SLC39A12: variants seen among roughly 807,000 people sequenced by gnomAD.
The protein encoded by SLC39A12 is solute carrier family 39 member 12.
SLC39A12 carries 63 observed loss-of-function variants against 71.1 expected under a neutral mutation model. The observed-to-expected ratio is 0.89, with a 90% CI of 0.72 to 1.09. The LOEUF is 1.09. SLC39A12 is among the 50% of genes least tolerant of loss of function. The pLI, the probability that SLC39A12 is intolerant of heterozygous loss-of-function variation, is 0.00. For missense variants in SLC39A12, 892 were observed against 812.6 expected, an observed-to-expected ratio of 1.10 and a Z score of -1.19; for synonymous variants, 351 against 301.3, an observed-to-expected ratio of 1.16 and a Z score of -1.71.
At chr10:18,036,804 T>TTA (rs1564666124) in intron 12 of SLC39A12, among the ~76,000 whole-genome samples, 9 of 128,560 alleles carry the variant, frequency 7.0e-5, no homozygotes, top group African/African-American at 2.7e-4. Context: ...ATTTTTTTTT[T>TTA]TAATGGAATC....
intron 10 of SLC39A12, among the ~76,000 whole-genome samples, chr10:17,998,934 A>G (rs568263659): frequency 1.3e-5 from 2 of 152,300 alleles, no homozygotes; most frequent in Admixed American, 1.3e-4. Context: ...ATTGAGCACA[A>G]TTATTAGAAT....
In SLC39A12 at chr10:17,957,322, C is replaced by A. The variant is rs370195416; in HGVS notation, c.261+3785C>A. ...CCAGGATGTGGTGGACAATTACTAC[C>A]AAGTGTCCGAGTAGCCTGTTTAGCT... On this transcript the variant is annotated intron_variant, in intron 2 of 12. Transcript: ENST00000377369. Among the ~76,000 whole-genome samples, 16 of 152,222 alleles carry A rather than the reference C, an allele frequency of 1.1e-4. No individual in the cohort carries two copies. In the South Asian group the frequency reaches 3.3e-3, roughly 32 times the overall value.
intron 12 of SLC39A12, among the ~76,000 whole-genome samples, chr10:18,016,103 G>A (rs936684409): frequency 4.6e-5 from 7 of 152,048 alleles, no homozygotes; most frequent in African/African-American, 1.7e-4. Flanking sequence ...ACATTCTATG[G>A]GTTTTGACAA....
At chr10:18,008,064 G>A (rs746167769) in intron 12 of SLC39A12, among the ~76,000 whole-genome samples, 5 of 152,128 alleles carry the variant, frequency 3.3e-5, no homozygotes, top group Non-Finnish European at 7.3e-5. Context: ...CTAATATAGG[G>A]AGCCCCAAAT....
intron 12 of SLC39A12, among the ~76,000 whole-genome samples, chr10:18,038,907 A>G (rs1388117114): frequency 6.6e-6 from 1 of 152,198 alleles, no homozygotes; most frequent in Non-Finnish European, 1.5e-5. Flanking sequence ...ATGTAGGTTC[A>G]TGAAGATATT....
At chr10:17,970,216 A>G (rs1387383481) in intron 4 of SLC39A12, among the ~76,000 whole-genome samples, 1 of 152,168 alleles carries the variant, frequency 6.6e-6, no homozygotes, top group Non-Finnish European at 1.5e-5. Context: ...GAAGTCAGGT[A>G]ACGTGATTCC....
intron 2 of SLC39A12, among the ~76,000 whole-genome samples, chr10:17,959,887 A>T (rs371543295): frequency 6.6e-6 from 1 of 152,208 alleles, no homozygotes; most frequent in African/African-American, 2.4e-5. Flanking sequence ...TTCCTCTAAC[A>T]TCTTAAATTC....
Position 17,981,309 on chromosome 10 carries a change from C to G in SLC39A12, c.925-3C>G. 1 of 1,602,992 alleles carries G rather than the reference C, an allele frequency of 6.2e-7. No homozygotes were observed. The highest frequency in any genetic ancestry group is 8.5e-7 in the Non-Finnish European group (1 of 1,173,490). On this transcript the variant is annotated splice_polypyrimidine_tract_variant and splice_region_variant and intron_variant, in intron 5 of 12. Transcript: ENST00000377369. ...GTAACAATGTTATGTTTTCCTCACA[C>G]AGACCTGCTTCTCTGCTAGGCAGCT... is the stretch of plus-strand genomic sequence containing the variant.
chr10:17,974,974 C>T (rs1322929315), intron 4 of SLC39A12, among the ~76,000 whole-genome samples: 1 of 152,212 alleles, frequency 6.6e-6, no homozygotes, highest in Non-Finnish European at 1.5e-5. Flanking sequence ...ACTCGAATCA[C>T]AAGACGTAGT....
Position 17,953,471 on chromosome 10 carries a change from C to T in SLC39A12, c.195C>T (p.Ile65=), listed in dbSNP as rs782723736. 7 of 1,614,158 alleles carry T rather than the reference C, an allele frequency of 4.3e-6. No homozygotes were observed. Among genetic ancestry groups the T allele is most frequent in the Non-Finnish European group, 5.1e-6 (6 of 1,180,042 alleles). Residue 65 remains isoleucine, a synonymous_variant, in exon 2 of 13, where the codon ATC becomes ATT. Coordinates refer to ENST00000377369, the MANE Select transcript of SLC39A12 (RefSeq NM_001145195.2). ...HPPHNHSRSL[I]KTLLEKTGCP... ...CCCACAACCACTCAAGAAGCCTCAT[C>T]AAAACATTGTTGGAGAAAACTGGGT...
intron 4 of SLC39A12, among the ~76,000 whole-genome samples, chr10:17,972,433 G>A (rs1834998968): frequency 1.3e-5 from 2 of 152,162 alleles, no homozygotes; most frequent in South Asian, 2.1e-4. Context: ...ACAGTGGGGT[G>A]TTGAAGTCTC....
intron 12 of SLC39A12, among the ~76,000 whole-genome samples, chr10:18,015,691 T>C (rs1836357961): frequency 6.6e-6 from 1 of 152,124 alleles, no homozygotes; most frequent in African/African-American, 2.4e-5. Context: ...ACATAAAAAG[T>C]ACAGAATGAA....
intron 4 of SLC39A12, among the ~76,000 whole-genome samples, chr10:17,966,307 TTTG>T (rs890347333): frequency 9.9e-5 from 15 of 152,116 alleles, no homozygotes; most frequent in African/African-American, 1.7e-4. Flanking sequence ...GAGATGGATT[TTTG>T]TTGTTGTTGT....
chr10:18,004,859 C>T (rs1286686647), intron 12 of SLC39A12, among the ~76,000 whole-genome samples: 7 of 152,014 alleles, frequency 4.6e-5, no homozygotes, highest in African/African-American at 1.2e-4. Flanking sequence ...GTAAAGAAAA[C>T]GTGATACATA....
chr10:17,984,880 T>C (rs562928647), intron 6 of SLC39A12, among the ~76,000 whole-genome samples: 1 of 152,308 alleles, frequency 6.6e-6, no homozygotes, highest in Non-Finnish European at 1.5e-5. Flanking sequence ...TCCATAGCAA[T>C]GAAAATGTGG....
intron 3 of SLC39A12, 45 bp from the exon 4 acceptor site, chr10:17,965,438 A>G: frequency 1.3e-6 from 2 of 1,559,040 alleles, no homozygotes; most frequent in Non-Finnish European, 1.8e-6. Context: ...AATCAAAATA[A>G]CTTCAGATGT....
At position 17,991,170 on chromosome 10, in the gene SLC39A12, A is replaced by G; in HGVS notation, c.1289A>G (p.Gln430Arg). ...LIPQVLGLHKQEAPEFGHFHE... is the reference protein window; with the variant it reads ...LIPQVLGLHKREAPEFGHFHE... ...CTGAAGGTTCTTGGTTTACATAAGC[A>G]GGAAGCCCCAGAATTTGGGCATTTC... The change falls in exon 8 of 13, where the codon CAG becomes CGG. Residue 430 changes from glutamine to arginine, a missense_variant. Gln to Arg is a conservative substitution (Grantham distance 43). Coordinates refer to ENST00000377369, the MANE Select transcript of SLC39A12 (RefSeq NM_001145195.2). 1 of 1,552,672 alleles carries G rather than the reference A, an allele frequency of 6.4e-7. No homozygotes were observed. The highest frequency in any genetic ancestry group is 8.6e-7 in the Non-Finnish European group (1 of 1,158,248).
intron 8 of SLC39A12, among the ~76,000 whole-genome samples, chr10:17,992,138 T>G (rs1564649407): frequency 6.6e-6 from 1 of 151,578 alleles, no homozygotes; most frequent in African/African-American, 2.4e-5. Context: ...GCATAGCACT[T>G]ATTGTTTTTC....
chr10:18,039,970 G>A (rs16916785), intron 12 of SLC39A12, among the ~76,000 whole-genome samples: 20,797 of 152,056 alleles, frequency 0.14, 2,321 homozygotes, highest in African/African-American at 0.3. Flanking sequence ...ATATTCATTC[G>A]CCACTTAGGA....
Sources: gnomAD v4.1 joint callset for allele counts (sites outside exome capture counted in the v4.1 genomes callset) on GRCh38, gnomAD v4.1.1 for gene constraint, MANE v1.5 for transcripts, NCBI Gene and HGNC (gene_info 2026-07-23, HGNC 2026-07-21) for gene names.